HS3ST3B1: variants seen among roughly 807,000 people sequenced by gnomAD.
HS3ST3B1 encodes the protein heparan sulfate glucosamine 3-O-sulfotransferase 3B1.
A neutral mutation model predicts 21.3 loss-of-function variants in HS3ST3B1; 13 were observed. That is an observed-to-expected ratio of 0.61 (90% CI 0.40 to 0.97). The LOEUF (loss-of-function observed/expected upper bound fraction) is 0.97, where lower values mean the gene tolerates loss of function less well. HS3ST3B1 is among the 50% of genes least tolerant of loss of function. The pLI, the probability that HS3ST3B1 is intolerant of heterozygous loss-of-function variation, is 0.00. For missense variants in HS3ST3B1, 459 were observed against 554.8 expected (o/e 0.83, Z 1.73); for synonymous variants, 234 against 254.8 (o/e 0.92, Z 0.78).
intron 1 of HS3ST3B1, among the ~76,000 whole-genome samples, chr17:14,302,640 C>CG (rs1026739890): frequency 1.3e-5 from 2 of 152,012 alleles, no homozygotes; most frequent in African/African-American, 4.8e-5. Flanking sequence ...GCCTCGCTCG[C>CG]GAGCCGCCTG....
chr17:14,332,829 CTTTTTTTTTT>C (rs71147859), intron 1 of HS3ST3B1, among the ~76,000 whole-genome samples: 1 of 91,040 alleles, frequency 1.1e-5, no homozygotes, highest in African/African-American at 4.2e-5. Flanking sequence ...GACCTTTTAT[CTTTTTTTTTT>C]TTTTTTTTTT....
intron 1 of HS3ST3B1, among the ~76,000 whole-genome samples, chr17:14,325,176 C>T (rs117450169): frequency 0.011 from 1,659 of 152,360 alleles, 13 homozygotes; most frequent in Non-Finnish European, 0.018. Flanking sequence ...AAGAGATTGC[C>T]ATGGGGCAAT....
At chr17:14,307,984 G>A (rs1909188602) in intron 1 of HS3ST3B1, among the ~76,000 whole-genome samples, 1 of 152,156 alleles carries the variant, frequency 6.6e-6, no homozygotes, top group African/African-American at 2.4e-5. Flanking sequence ...AAAACAATAT[G>A]CTGCCTACCT....
At position 14,339,238 on chromosome 17, in the gene HS3ST3B1, A is replaced by G. The variant is rs561151552; in HGVS notation, c.555-5790A>G. 2.6e-5 allele frequency among the ~76,000 whole-genome samples: 4 copies of G among 152,324 alleles called. No individual in the cohort carries two copies. The South Asian group carries it at 8.3e-4, about 32-fold the overall frequency. On this transcript the variant is annotated intron_variant, in intron 1 of 1. Transcript: ENST00000360954. The stretch of plus-strand genomic sequence containing the variant: ...CTGTTGCAATGATTGGTGATTTTCC[A>G]GGCCTCATAGAAGGCAGTTAACAAT...
chr17:14,341,931 G>T (rs1010018303), intron 1 of HS3ST3B1, among the ~76,000 whole-genome samples: 1 of 152,186 alleles, frequency 6.6e-6, no homozygotes, highest in Admixed American at 6.5e-5. Context: ...TGATGACACT[G>T]CTACATTAAT....
intron 1 of HS3ST3B1, among the ~76,000 whole-genome samples, chr17:14,342,964 C>T (rs2142354554): frequency 6.6e-6 from 1 of 152,242 alleles, no homozygotes; most frequent in Admixed American, 6.5e-5. Flanking sequence ...TAATCAATGG[C>T]CGGGAGCAGT....
In HS3ST3B1 at chr17:14,312,772, A is replaced by G. The variant is rs12453939; in HGVS notation, c.554+10700A>G. ...TCAGGGTCTCAGCTCTTGGGATCAC[A>G]TTGACACACCCCCACATTTTACACT... On this transcript the variant is annotated intron_variant, in intron 1 of 1. Transcript: ENST00000360954. 5.1e-4 allele frequency among the ~76,000 whole-genome samples: 78 copies of G among 151,780 alleles called. No homozygotes were observed. In the East Asian group the frequency reaches 9.5e-3, roughly 19 times the overall value.
At chr17:14,313,711 C>A (rs1309964670) in intron 1 of HS3ST3B1, among the ~76,000 whole-genome samples, 1 of 151,932 alleles carries the variant, frequency 6.6e-6, no homozygotes, top group Non-Finnish European at 1.5e-5. Context: ...GCTGTGATTA[C>A]AGGCATGCGC....
In HS3ST3B1 at chr17:14,349,062, G is replaced by A. The variant is rs1004466337; in HGVS notation, c.*3416G>A. The A allele has an allele frequency of 1.2e-4, 18 of 152,136 alleles. No homozygotes were observed. Among genetic ancestry groups the A allele is most frequent in the Admixed American group, 1.0e-3 (16 of 15,274 alleles). The allele number at this position is 152,136 out of a possible 1,614,324, so 9.4% of individuals were successfully genotyped here. ...GATTCCAATAAACTAGAAACAGTAC[G>A]TATCTAAGATGCTGACACAGAAGCT... On this transcript the variant is annotated 3_prime_UTR_variant, in exon 2 of 2. Coordinates refer to ENST00000360954, the MANE Select transcript of HS3ST3B1 (RefSeq NM_006041.3).
chr17:14,324,315 A>G (rs1396998522), intron 1 of HS3ST3B1, among the ~76,000 whole-genome samples: 2 of 152,140 alleles, frequency 1.3e-5, no homozygotes, highest in Non-Finnish European at 2.9e-5. Context: ...CCCTCCATCA[A>G]CTTTGCTTAA....
At chr17:14,317,037 CAGG>C (rs983111519) in intron 1 of HS3ST3B1, among the ~76,000 whole-genome samples, 1 of 152,214 alleles carries the variant, frequency 6.6e-6, no homozygotes, top group Non-Finnish European at 1.5e-5. Context: ...AGCCCTTGCT[CAGG>C]AGGAGGCGTT....
intron 1 of HS3ST3B1, among the ~76,000 whole-genome samples, chr17:14,319,984 G>A (rs1390136821): frequency 4.6e-5 from 7 of 152,036 alleles, no homozygotes; most frequent in Non-Finnish European, 1.0e-4. Flanking sequence ...TGCGCAGGAG[G>A]GCCTTTTTAA....
At chr17:14,339,385 GA>G (rs1397722237) in intron 1 of HS3ST3B1, among the ~76,000 whole-genome samples, 4 of 152,060 alleles carry the variant, frequency 2.6e-5, no homozygotes, top group Middle Eastern at 3.4e-3. Flanking sequence ...ATGAATGAAA[GA>G]AAAAAATACA....
chr17:14,301,586 C>A lies in HS3ST3B1; in HGVS notation c.68C>A (p.Pro23Gln), dbSNP rs1375174320. 1.2e-6 allele frequency: 2 copies of A among 1,600,218 alleles called. No individual in the cohort carries two copies. The highest frequency in any genetic ancestry group is 8.5e-7 in the Non-Finnish European group (1 of 1,178,032). The part of the protein sequence containing the change: ...DVPGRLLPQP[P>Q]PPPPPVRRKL... ...CCCGGCCGGCTCCTACCGCAGCCGC[C>A]GCCGCCCCCGCCGCCGGTGAGGAGG... Residue 23 changes from proline (P) to glutamine (Q), a missense_variant, in exon 1 of 2, where the codon CCG (proline) becomes CAG (glutamine). Pro to Gln is a moderately conservative substitution (Grantham distance 76, BLOSUM62 -1). Around this residue, in one of 3 missense-constraint regions of HS3ST3B1, gnomAD observed 317 missense variants for 278.6 expected, o/e 1.14. Transcript: ENST00000360954.
At chr17:14,329,182 A>G (rs1449229821) in intron 1 of HS3ST3B1, 1 of 152,114 alleles carries the variant, frequency 6.6e-6, no homozygotes, top group Non-Finnish European at 1.5e-5. Context: ...CGCTGACGAT[A>G]CTGAGTCTTT....
At position 14,301,518 on chromosome 17, in the gene HS3ST3B1, C is replaced by T; in HGVS notation, c.-1C>T. Reference sequence around the variant, plus strand: ...TCCCTGGCCGCGCCCGCGGGCAGCGCATGGGGCAGCGCCTGAGTGGCGGCA... The same window carrying T: ...TCCCTGGCCGCGCCCGCGGGCAGCGTATGGGGCAGCGCCTGAGTGGCGGCA... On this transcript the variant is annotated 5_prime_UTR_variant, in exon 1 of 2. Transcript: ENST00000360954. The T allele has an allele frequency of 6.5e-7, 1 of 1,543,470 alleles. No individual in the cohort carries two copies. The highest frequency in any genetic ancestry group is 8.7e-7 in the Non-Finnish European group (1 of 1,154,112).
chr17:14,318,263 C>T (rs78838348), intron 1 of HS3ST3B1, among the ~76,000 whole-genome samples: 11,977 of 152,252 alleles, frequency 0.079, 642 homozygotes, highest in Non-Finnish European at 0.13. Context: ...TGCCACCTCT[C>T]CTCTCCCTTC....
Position 14,301,581 on chromosome 17 carries a change from G to GCCGCCGCCGCCC in HS3ST3B1, c.73_84dup (p.Pro25_Pro28dup), listed in dbSNP as rs750315317. The GCCGCCGCCGCCC allele has an allele frequency of 6.3e-6, 10 of 1,595,366 alleles. No individual in the cohort carries two copies. In the African/African-American group the frequency reaches 1.1e-4, roughly 17 times the overall value. On this transcript the variant is annotated inframe_insertion, in exon 1 of 2. Transcript: ENST00000360954. ...ATGTCCCCGGCCGGCTCCTACCGCA[G>GCCGCCGCCGCCC]CCGCCGCCGCCCCCGCCGCCGGTGA... is the stretch of plus-strand genomic sequence containing the variant.
chr17:14,305,287 G>C (rs1004678022), intron 1 of HS3ST3B1: 1 of 152,224 alleles, frequency 6.6e-6, no homozygotes, highest in Non-Finnish European at 1.5e-5. Context: ...AAACTTAGCA[G>C]ACACCAATGA....
Sources: allele counts gnomAD v4.1 joint callset (sites outside exome capture counted in the v4.1 genomes callset), GRCh38; gene constraint gnomAD v4.1.1; regional missense constraint gnomAD v4.1.1; transcripts MANE v1.5; gene names NCBI Gene and HGNC (gene_info 2026-07-23, HGNC 2026-07-21).